Variants in SOCS2 observed in about 807,000 individuals in gnomAD.
The protein encoded by SOCS2 is CIS-2.
Under a neutral mutation model 18.6 loss-of-function variants are expected in SOCS2, and 10 were observed. The observed-to-expected ratio is 0.54, with a 90% CI of 0.33 to 0.91. The LOEUF (loss-of-function observed/expected upper bound fraction) is 0.91. Among genes scored for constraint, SOCS2 ranks in the 40% least tolerant of loss-of-function variants. The pLI, the probability that SOCS2 is intolerant of heterozygous loss-of-function variation, is 0.02. For missense variants in SOCS2, 231 were observed against 247.2 expected (o/e 0.93, Z 0.44); for synonymous variants, 104 against 104.0 (o/e 1.00, Z 0.00).
At chr12:93,591,556 C>T in the SOCS2 span, among the ~76,000 whole-genome samples, 3 of 152,336 alleles carry the variant, frequency 2.0e-5, no homozygotes, top group East Asian at 3.9e-4. Flanking sequence ...CACACTGTCT[C>T]TCAAGAGGGA....
chr12:93,595,454 C>T, the SOCS2 span, among the ~76,000 whole-genome samples: 1 of 152,158 alleles, frequency 6.6e-6, no homozygotes, highest in Non-Finnish European at 1.5e-5. Flanking sequence ...TTGTTGTCAA[C>T]TTTAATGTAC....
At chr12:93,602,672 C>A in the SOCS2 span, among the ~76,000 whole-genome samples, 1 of 152,098 alleles carries the variant, frequency 6.6e-6, no homozygotes, top group Non-Finnish European at 1.5e-5. Flanking sequence ...GTAGTACTCA[C>A]CACTTAGGAT....
chr12:93,590,825 T>TAAAAAA, the SOCS2 span, among the ~76,000 whole-genome samples: 1 of 114,310 alleles, frequency 8.7e-6, no homozygotes, highest in African/African-American at 3.7e-5. Context: ...AAAAAAAAGT[T>TAAAAAA]AGCTTCCCAG....
the SOCS2 span, among the ~76,000 whole-genome samples, chr12:93,616,880 C>G: frequency 1.3e-5 from 2 of 152,082 alleles, no homozygotes; most frequent in African/African-American, 4.8e-5. Context: ...TGTTTCTTCT[C>G]GATTAATGAA....
the SOCS2 span, among the ~76,000 whole-genome samples, chr12:93,589,755 A>G: frequency 5.5e-4 from 84 of 152,360 alleles, 1 homozygote; most frequent in Admixed American, 2.0e-3. Flanking sequence ...TTGCCAGATA[A>G]AACTGATGTC....
rs1954410781 is a variant in SOCS2 at position 93,574,926 on chromosome 12, A to G, written c.344A>G (p.Lys115Arg). ...GACTCTATCATATGTGTCAAATCCA[A>G]GCTTAAACAATTTGACAGTGTGGTT... is the stretch of plus-strand genomic sequence containing the variant. ...RLDSIICVKS[K>R]LKQFDSVVHL... The change falls in exon 2 of 2, where the codon AAG (lysine) becomes AGG (arginine). Residue 115 changes from lysine to arginine, a missense_variant. Physicochemically the swap from Lys to Arg is conservative, Grantham distance 26. Around this residue, in one of 3 missense-constraint regions of SOCS2, gnomAD observed 122 missense variants for 127.2 expected, o/e 0.96. Transcript: ENST00000551556. 6.2e-7 allele frequency: 1 copy of G among 1,614,202 alleles called. No homozygotes were observed. Among genetic ancestry groups the G allele is most frequent in the South Asian group, 1.1e-5 (1 of 91,082 alleles).
intron 1 of SOCS2, 54 bp from the exon 2 acceptor site, chr12:93,574,668 C>T: frequency 2.4e-6 from 3 of 1,271,544 alleles, no homozygotes; most frequent in Non-Finnish European, 2.2e-6. Flanking sequence ...TCTAAGAATT[C>T]TTATAATAAC....
chr12:93,600,819 T>C, the SOCS2 span, among the ~76,000 whole-genome samples: 46 of 151,564 alleles, frequency 3.0e-4, no homozygotes, highest in Non-Finnish European at 5.3e-4. Context: ...GATGAGGTCT[T>C]GATCTGTCAC....
At chr12:93,587,491 C>A (rs1196863551), downstream of SOCS2, among the ~76,000 whole-genome samples, 2 of 152,044 alleles carry the variant, frequency 1.3e-5, no homozygotes, top group Non-Finnish European at 2.9e-5. Context: ...ACCATCCTGG[C>A]TAACACAGTG....
At chr12:93,579,139 G>T (rs1299229673), downstream of SOCS2, among the ~76,000 whole-genome samples, 1 of 152,192 alleles carries the variant, frequency 6.6e-6, no homozygotes, top group African/African-American at 2.4e-5. Flanking sequence ...CACAATGCCT[G>T]GGCGACTGCC....
the SOCS2 span, among the ~76,000 whole-genome samples, chr12:93,607,853 G>A: frequency 1.3e-5 from 2 of 152,164 alleles, no homozygotes; most frequent in Non-Finnish European, 2.9e-5. Context: ...GTGGATTTAT[G>A]AGGATTGACA....
At chr12:93,590,873 A>G in the SOCS2 span, among the ~76,000 whole-genome samples, 2 of 143,486 alleles carry the variant, frequency 1.4e-5, no homozygotes, top group Non-Finnish European at 3.0e-5. Context: ...CTTCATTTAT[A>G]TTATAATTAT....
chr12:93,574,602 C>CT (rs35259505), intron 1 of SOCS2, 120 bp from the exon 2 acceptor site: 19,640 of 512,156 alleles, frequency 0.038, 1 homozygote, highest in Middle Eastern at 0.061. Flanking sequence ...CACACACCAC[C>CT]TTTTTTTTTT....
upstream of SOCS2, chr12:93,570,610 G>C (rs926688112): frequency 6.6e-6 from 1 of 152,408 alleles, no homozygotes; most frequent in Non-Finnish European, 1.5e-5. Flanking sequence ...CCCCGTGGCA[G>C]GCCAAGGGCC....
intron 1 of SOCS2, 88 bp downstream of exon 1, chr12:93,573,124 G>T (rs1954319819): frequency 1.4e-6 from 2 of 1,481,016 alleles, no homozygotes; most frequent in South Asian, 1.2e-5. Context: ...GGGAAGCAAA[G>T]AATAAGATGG....
the SOCS2 span, among the ~76,000 whole-genome samples, chr12:93,609,518 T>C: frequency 6.6e-6 from 1 of 151,670 alleles, no homozygotes. Context: ...ACTTAAATAT[T>C]ACCTTAATAA....
the SOCS2 span, among the ~76,000 whole-genome samples, chr12:93,588,671 C>A: frequency 6.6e-6 from 1 of 151,276 alleles, no homozygotes. Flanking sequence ...GACTAGACTG[C>A]AATGGCATGT....
At chr12:93,576,851 T>C (rs1413544575), downstream of SOCS2, 1 of 152,230 alleles carries the variant, frequency 6.6e-6, no homozygotes, top group Admixed American at 6.5e-5. Context: ...GATTGCTAGG[T>C]GTGCCTCAGG....
At chr12:93,614,404 TCTTTCTTTCTTTCTTC>T in the SOCS2 span, among the ~76,000 whole-genome samples, 1 of 139,060 alleles carries the variant, frequency 7.2e-6, no homozygotes, top group African/African-American at 2.8e-5. Context: ...TTTCTTTCTT[TCTTTCTTTCTTTCTTC>T]CTTTCTTTCC....
Sources: allele counts gnomAD v4.1 joint callset (sites outside exome capture counted in the v4.1 genomes callset), GRCh38; gene constraint gnomAD v4.1.1; regional missense constraint gnomAD v4.1.1; transcripts MANE v1.5; gene names NCBI Gene and HGNC (gene_info 2026-07-23, HGNC 2026-07-21).